Variants in PLXNC1 observed in about 807,000 individuals in gnomAD.
The protein encoded by PLXNC1 is plexin C1.
PLXNC1 carries 75 observed loss-of-function variants against 178.2 expected under a neutral mutation model. That is an observed-to-expected ratio of 0.42 (90% CI 0.35 to 0.51). PLXNC1 has a LOEUF of 0.51. Ranked by LOEUF, PLXNC1 falls within the 20% of genes least tolerant of loss-of-function variation. PLXNC1 has a pLI of 0.02. For missense variants in PLXNC1, 1,503 were observed against 1,984.4 expected (o/e 0.76, Z 4.61); for synonymous variants, 790 against 779.9 (o/e 1.01, Z -0.22).
intron 3 of PLXNC1, among the ~76,000 whole-genome samples, chr12:94,182,265 G>A (rs999182124): frequency 1.3e-4 from 19 of 151,760 alleles, no homozygotes; most frequent in Non-Finnish European, 2.2e-4. Context: ...AATGAAATGT[G>A]TTACTGACCG....
chr12:94,191,807 T>C (rs1187420645), intron 4 of PLXNC1, among the ~76,000 whole-genome samples: 1 of 150,992 alleles, frequency 6.6e-6, no homozygotes, highest in Non-Finnish European at 1.5e-5. Flanking sequence ...TATAAGTAGA[T>C]AAAAAGCAAT....
At chr12:94,235,660 C>T (rs796456519) in intron 9 of PLXNC1, among the ~76,000 whole-genome samples, 33 of 152,272 alleles carry the variant, frequency 2.2e-4, no homozygotes, top group African/African-American at 7.9e-4. Context: ...CTTTGCGGGC[C>T]GTATGGTCTC....
intron 17 of PLXNC1, among the ~76,000 whole-genome samples, chr12:94,257,919 A>AAAT (rs1964898384): frequency 6.7e-6 from 1 of 149,366 alleles, no homozygotes. Context: ...AAAAAAAATA[A>AAAT]TAAATAAATA....
intron 21 of PLXNC1, among the ~76,000 whole-genome samples, chr12:94,274,883 T>C (rs1292427105): frequency 6.6e-6 from 1 of 152,218 alleles, no homozygotes; most frequent in African/African-American, 2.4e-5. Flanking sequence ...CAGGGTTGTT[T>C]CTGAGATTTA....
chr12:94,173,523 C>T lies in PLXNC1; in HGVS notation c.1203+4230C>T, dbSNP rs185680593. ...CTGGGCATTAGAACCAGCATCTGCA[C>T]GGGTTAACTGGTTTAATCCTTACCA... On this transcript the variant is annotated intron_variant, in intron 2 of 30. Transcript: ENST00000258526. Among the ~76,000 whole-genome samples the T allele has an allele frequency of 2.9e-3, 436 of 152,276 alleles. 2 individuals are homozygous for T. Among genetic ancestry groups the T allele is most frequent in the African/African-American group, 0.01 (419 of 41,544 alleles).
chr12:94,159,163 C>T (rs575964593), intron 1 of PLXNC1, among the ~76,000 whole-genome samples: 2 of 152,344 alleles, frequency 1.3e-5, no homozygotes, highest in South Asian at 4.1e-4. Context: ...AGACAATAAA[C>T]ATTTGGCAAA....
intron 21 of PLXNC1, among the ~76,000 whole-genome samples, chr12:94,271,521 G>A (rs565919575): frequency 1.5e-4 from 23 of 152,324 alleles, no homozygotes; most frequent in South Asian, 2.1e-4. Flanking sequence ...TTCCCAGGCC[G>A]TGTGCAGAAG....
chr12:94,229,633 A>C (rs1272107493), intron 9 of PLXNC1, among the ~76,000 whole-genome samples: 1 of 152,156 alleles, frequency 6.6e-6, no homozygotes, highest in African/African-American at 2.4e-5. Context: ...AGTTTTCCCA[A>C]CATCATTTGT....
intron 20 of PLXNC1, among the ~76,000 whole-genome samples, chr12:94,263,949 G>A (rs960042327): frequency 6.6e-6 from 1 of 151,684 alleles, no homozygotes; most frequent in South Asian, 2.1e-4. Flanking sequence ...ACTTGCCTGC[G>A]CAAGGGAAAG....
intron 9 of PLXNC1, among the ~76,000 whole-genome samples, chr12:94,231,028 A>G (rs1424249651): frequency 6.6e-6 from 1 of 152,220 alleles, no homozygotes; most frequent in Non-Finnish European, 1.5e-5. Context: ...ATGAGTAAAA[A>G]TACAAGATTT....
Position 94,149,158 on chromosome 12 carries a change from A to C in PLXNC1, c.187A>C (p.Ser63Arg). The change falls in exon 1 of 31, where the codon AGC becomes CGC. Residue 63 changes from serine to arginine, a missense_variant. Physicochemically the swap from Ser to Arg is moderately radical, Grantham distance 110. Transcript: ENST00000258526. ...GGACGGCGTGTTTGTGGCGAGCGGC[A>C]GCTGCCTGGACCAGCTGGACTACAG... ...QEDGVFVASG[S>R]CLDQLDYSLE... 6.3e-7 allele frequency: 1 copy of C among 1,590,718 alleles called. No homozygotes were observed. The highest frequency in any genetic ancestry group is 8.5e-7 in the Non-Finnish European group (1 of 1,172,798).
At chr12:94,298,533 C>CA (rs1328038592) in intron 26 of PLXNC1, 99 bp from the exon 27 acceptor site, 8 of 995,750 alleles carry the variant, frequency 8.0e-6, no homozygotes, top group Non-Finnish European at 1.2e-5. Context: ...CTGTTTTGAA[C>CA]ATTATTTTCT....
intron 1 of PLXNC1, among the ~76,000 whole-genome samples, chr12:94,151,305 A>G (rs1387351529): frequency 6.6e-6 from 1 of 152,116 alleles, no homozygotes; most frequent in Non-Finnish European, 1.5e-5. Flanking sequence ...ACCAAATATT[A>G]GCCCTATGAG....
intron 9 of PLXNC1, among the ~76,000 whole-genome samples, chr12:94,231,566 G>A (rs1356461815): frequency 6.6e-6 from 1 of 152,134 alleles, no homozygotes; most frequent in East Asian, 1.9e-4. Context: ...TCCCTACTAG[G>A]CCAGTAGCCC....
intron 23 of PLXNC1, among the ~76,000 whole-genome samples, chr12:94,289,235 A>G (rs1168461141): frequency 2.0e-5 from 3 of 152,178 alleles, no homozygotes; most frequent in African/African-American, 7.2e-5. Context: ...AGTTGTTGAT[A>G]TGGGTCTTTT....
chr12:94,283,566 T>C (rs1349875214), intron 23 of PLXNC1, among the ~76,000 whole-genome samples: 2 of 152,182 alleles, frequency 1.3e-5, no homozygotes, highest in African/African-American at 4.8e-5. Flanking sequence ...GGAGTTTTAT[T>C]ATTACTCAAA....
intron 6 of PLXNC1, among the ~76,000 whole-genome samples, chr12:94,223,548 G>T (rs1329824306): frequency 6.6e-6 from 1 of 152,186 alleles, no homozygotes; most frequent in Non-Finnish European, 1.5e-5. Flanking sequence ...TAGAGAACTG[G>T]GTTTGGGAAT....
intron 6 of PLXNC1, among the ~76,000 whole-genome samples, chr12:94,223,805 C>T (rs918073535): frequency 6.6e-6 from 1 of 152,094 alleles, no homozygotes; most frequent in African/African-American, 2.4e-5. Flanking sequence ...ATATTTGCAG[C>T]GTGGATTTTT....
Position 94,305,205 on chromosome 12 carries a change from C to A in PLXNC1, c.4627C>A (p.Arg1543=). The part of the protein sequence containing the change: ...DEILNKLERE[R]GLEEAQKQLL... ...GATTCTAAATAAACTAGAAAGAGAA[C>A]GAGGGCTGGAAGAAGCTCAGAAACA... The change falls in exon 31 of 31, where the codon CGA becomes AGA. Residue 1543 remains arginine (R), a synonymous_variant. Coordinates refer to ENST00000258526, the MANE Select transcript of PLXNC1 (RefSeq NM_005761.3). 6.2e-7 allele frequency: 1 copy of A among 1,608,398 alleles called. No homozygotes were observed. Among genetic ancestry groups the A allele is most frequent in the Non-Finnish European group, 8.5e-7 (1 of 1,175,924 alleles).
Sources: allele counts gnomAD v4.1 joint callset (sites outside exome capture counted in the v4.1 genomes callset), GRCh38; gene constraint gnomAD v4.1.1; transcripts MANE v1.5; gene names NCBI Gene and HGNC (gene_info 2026-07-23, HGNC 2026-07-21).